AFF2: variants seen among roughly 807,000 people sequenced by gnomAD.
AFF2 encodes ALF transcription elongation factor 2, also known as AF4/FMR2 family member 2.
Under a neutral mutation model 76.9 loss-of-function variants are expected in AFF2, and 14 were observed. The ratio of observed to expected loss-of-function variants is 0.18; its 90% CI spans 0.12 to 0.28. The LOEUF is 0.28. Ranked by LOEUF, AFF2 falls within the 10% of genes least tolerant of loss-of-function variation. The pLI is 1.00. For synonymous variants in AFF2, 398 were observed against 366.7 expected (o/e 1.09, Z -0.98); for missense variants, 868 against 1,001.1 (o/e 0.87, Z 1.79).
At position 149,000,661 on chromosome X, in the gene AFF2, T is replaced by C. The variant is rs1354239054; in HGVS notation, c.*9329T>C. The C allele has an allele frequency of 4.4e-5, 5 of 112,649 alleles. No individual in the cohort carries two copies. The highest frequency in any genetic ancestry group is 9.4e-5 in the Non-Finnish European group (5 of 53,322). 9.3% of individuals were successfully genotyped at this position (112,649 alleles called of 1,213,427 possible). On this transcript the variant is annotated 3_prime_UTR_variant, in exon 21 of 21. Transcript: ENST00000370460. ...GCAAAATAAAATTTTTATGAAAATC[T>C]CATTTTAGACATGTAGATCATTCTG... is the stretch of plus-strand genomic sequence containing the variant.
chrX:148,856,639 G>A (rs1183997432), intron 7 of AFF2, among the ~76,000 whole-genome samples: 1 of 111,715 alleles, frequency 9.0e-6, no homozygotes, highest in Non-Finnish European at 1.9e-5. Context: ...TTTGGCCAGA[G>A]ATATTCTCTG....
chrX:148,714,662 G>A (rs2055006742), intron 3 of AFF2, among the ~76,000 whole-genome samples: 1 of 111,219 alleles, frequency 9.0e-6, no homozygotes, highest in South Asian at 3.8e-4. Flanking sequence ...AAAATTTACT[G>A]AGAACCAAAA....
chrX:148,910,048 CAAAAGAGAGAGAGAAAGAAA>C (rs1363140998), intron 9 of AFF2, among the ~76,000 whole-genome samples: 1 of 111,953 alleles, frequency 8.9e-6, no homozygotes, highest in African/African-American at 3.2e-5. Context: ...CATCTGTTAC[CAAAAGAGAGAGAGAAAGAAA>C]CAGAGAGAGA....
intron 3 of AFF2, among the ~76,000 whole-genome samples, chrX:148,679,678 A>T (rs148707507): frequency 0.013 from 1,490 of 111,753 alleles, 29 homozygotes; most frequent in African/African-American, 0.043. Flanking sequence ...TACTTCCCAG[A>T]TGAGCAGACT....
intron 3 of AFF2, among the ~76,000 whole-genome samples, chrX:148,709,330 ATGACTATTTTTAAGGATGTCTC>A (rs2054930095): frequency 9.0e-6 from 1 of 111,714 alleles, no homozygotes; most frequent in Non-Finnish European, 1.9e-5. Flanking sequence ...TAGGATTAGA[ATGACTATTTTTAAGGATGTCTC>A]TTACACATCC....
chrX:148,902,908 T>A (rs1176959285), intron 8 of AFF2, among the ~76,000 whole-genome samples: 1 of 111,534 alleles, frequency 9.0e-6, no homozygotes, highest in African/African-American at 3.3e-5. Flanking sequence ...AATGGAAGCA[T>A]GGATTTCCAG....
At chrX:148,855,890 A>C (rs2070781488) in intron 7 of AFF2, among the ~76,000 whole-genome samples, 1 of 112,152 alleles carries the variant, frequency 8.9e-6, no homozygotes, top group African/African-American at 3.2e-5. Flanking sequence ...GGTACGTAGG[A>C]ATTTTTTGAT....
intron 1 of AFF2, among the ~76,000 whole-genome samples, chrX:148,572,822 A>G (rs1208077571): frequency 9.0e-6 from 1 of 111,457 alleles, no homozygotes; most frequent in Non-Finnish European, 1.9e-5. Context: ...ATGTTCTGGA[A>G]TTAGATAGTG....
At chrX:148,920,511 C>T (rs1253535832) in intron 9 of AFF2, among the ~76,000 whole-genome samples, 1 of 111,313 alleles carries the variant, frequency 9.0e-6, no homozygotes, top group Non-Finnish European at 1.9e-5. Flanking sequence ...ATTTGATGAG[C>T]TAAATAAGCA....
intron 1 of AFF2, among the ~76,000 whole-genome samples, chrX:148,505,635 A>C (rs1185313776): frequency 9.0e-6 from 1 of 111,513 alleles, no homozygotes; most frequent in Non-Finnish European, 1.9e-5. Context: ...ATTTGCACTT[A>C]TTTAACATAA....
chrX:148,815,767 G>A (rs1557272117), intron 4 of AFF2, among the ~76,000 whole-genome samples: 1 of 111,695 alleles, frequency 9.0e-6, no homozygotes, highest in Non-Finnish European at 1.9e-5. Flanking sequence ...AGATGTCAGG[G>A]AAGAGATGAT....
chrX:148,502,648 A>G (rs2124177546), intron 1 of AFF2, among the ~76,000 whole-genome samples: 1 of 112,824 alleles, frequency 8.9e-6, no homozygotes, highest in East Asian at 2.8e-4. Flanking sequence ...GCTTCTGCAC[A>G]CAGCCTTTAC....
intron 1 of AFF2, among the ~76,000 whole-genome samples, chrX:148,576,092 G>A (rs2053284771): frequency 9.0e-6 from 1 of 111,122 alleles, no homozygotes; most frequent in African/African-American, 3.3e-5. Flanking sequence ...TTCTGTTTTG[G>A]TAATGTTTAT....
At chrX:148,582,690 T>C (rs1411473907) in intron 1 of AFF2, among the ~76,000 whole-genome samples, 1 of 112,077 alleles carries the variant, frequency 8.9e-6, no homozygotes, top group Non-Finnish European at 1.9e-5. Flanking sequence ...GGTAGTTCTT[T>C]AAAATGTTAA....
intron 3 of AFF2, among the ~76,000 whole-genome samples, chrX:148,763,769 C>T (rs987017225): frequency 9.0e-6 from 1 of 111,667 alleles, no homozygotes; most frequent in Admixed American, 9.6e-5. Flanking sequence ...AGTTCTGGAC[C>T]TCCAGAAGGA....
intron 3 of AFF2, among the ~76,000 whole-genome samples, chrX:148,667,758 C>T (rs1394300516): frequency 9.0e-6 from 1 of 111,603 alleles, no homozygotes; most frequent in Non-Finnish European, 1.9e-5. Context: ...GGGTTCCTCC[C>T]ACAGAGCATG....
intron 1 of AFF2, among the ~76,000 whole-genome samples, chrX:148,588,340 A>G (rs1170685656): frequency 8.8e-6 from 1 of 113,020 alleles, no homozygotes; most frequent in Non-Finnish European, 1.9e-5. Context: ...GGCAGAGGCC[A>G]TAGATGTGCA....
At chrX:148,631,321 C>T (rs1054441086) in intron 1 of AFF2, among the ~76,000 whole-genome samples, 10 of 111,655 alleles carry the variant, frequency 9.0e-5, no homozygotes, top group East Asian at 2.8e-4. Context: ...ATTTTGCATA[C>T]GATTGCTTTA....
At chrX:148,700,338 G>A (rs781786967) in intron 3 of AFF2, among the ~76,000 whole-genome samples, 11 of 110,538 alleles carry the variant, frequency 1.0e-4, no homozygotes, top group Non-Finnish European at 1.7e-4. Context: ...TTAATTAAAT[G>A]TGCCAGGCAC....
Sources: gnomAD v4.1 joint callset for allele counts (sites outside exome capture counted in the v4.1 genomes callset) on GRCh38, gnomAD v4.1.1 for gene constraint, MANE v1.5 for transcripts, NCBI Gene and HGNC (gene_info 2026-07-23, HGNC 2026-07-21) for gene names.